Variants in PCDHA1 observed in about 807,000 individuals in gnomAD.
PCDHA1 encodes the protein protocadherin alpha-1.
PCDHA1 carries 42 observed loss-of-function variants against 61.3 expected under a neutral mutation model. That is an observed-to-expected ratio of 0.69 (90% CI 0.54 to 0.89). PCDHA1 has a LOEUF of 0.89. PCDHA1 is among the 40% of genes least tolerant of loss of function. The pLI is 0.00. For synonymous variants in PCDHA1, 610 were observed against 553.8 expected (o/e 1.10, Z -1.43); for missense variants, 1,256 against 1,235.3 (o/e 1.02, Z -0.25).
At chr5:140,856,856 G>A in intron 1 of PCDHA1, 1 of 1,594,396 alleles carries the variant, frequency 6.3e-7, no homozygotes, top group Non-Finnish European at 8.6e-7. Context: ...TGATTCGGAT[G>A]AAGGAATAAA....
chr5:140,990,838 A>C (rs2097419271), intron 3 of PCDHA1, among the ~76,000 whole-genome samples: 1 of 152,222 alleles, frequency 6.6e-6, no homozygotes, highest in Admixed American at 6.5e-5. Flanking sequence ...CCTATTAGCA[A>C]AAATAGAGCC....
At chr5:140,880,877 A>G (rs1399131370) in intron 1 of PCDHA1, among the ~76,000 whole-genome samples, 8 of 152,232 alleles carry the variant, frequency 5.3e-5, no homozygotes, top group Non-Finnish European at 8.8e-5. Context: ...GAGGTAAATA[A>G]AGAAATGTAG....
intron 1 of PCDHA1, chr5:140,808,974 C>A (rs781991192): frequency 1.2e-6 from 2 of 1,613,506 alleles, no homozygotes; most frequent in African/African-American, 1.3e-5. Flanking sequence ...AAGGTGCGCG[C>A]GGTGGATGCT....
At chr5:140,811,968 G>A (rs2126633467) in intron 1 of PCDHA1, 8 of 150,734 alleles carry the variant, frequency 5.3e-5, no homozygotes, top group Non-Finnish European at 7.4e-5. Context: ...CACTCTGATT[G>A]TAGTTTCTTT....
chr5:140,835,560 G>A, intron 1 of PCDHA1: 3 of 1,613,902 alleles, frequency 1.9e-6, no homozygotes, highest in Non-Finnish European at 2.5e-6. Flanking sequence ...GACGCCCCGC[G>A]TTCCCTTCAA....
intron 1 of PCDHA1, chr5:140,851,680 A>G (rs2042128414): frequency 2.2e-6 from 2 of 918,856 alleles, no homozygotes; most frequent in African/African-American, 3.6e-5. Flanking sequence ...AATTTTCTCC[A>G]TTCAGTGATA....
At chr5:140,897,252 A>G (rs1179343621) in intron 1 of PCDHA1, among the ~76,000 whole-genome samples, 3 of 152,018 alleles carry the variant, frequency 2.0e-5, no homozygotes, top group East Asian at 3.9e-4. Flanking sequence ...TTACATATGT[A>G]TACATGTGCC....
At chr5:140,827,980 C>G (rs1769474161) in intron 1 of PCDHA1, 2 of 1,413,840 alleles carry the variant, frequency 1.4e-6, no homozygotes, top group Non-Finnish European at 9.6e-7. Context: ...CATTCCCTGA[C>G]TGTTGAATGA....
chr5:140,967,401 G>A lies in PCDHA1; in HGVS notation c.2395-11548G>A. On this transcript the variant is annotated intron_variant, in intron 1 of 3. Transcript: ENST00000504120. ...AGTAAAGTGCTTGAGCTGGTGCTGC[G>A]TAAGGGCCTAGACCGGGAGCAGGCA... 3.1e-6 allele frequency: 5 copies of A among 1,611,944 alleles called. No individual in the cohort carries two copies. Among genetic ancestry groups the A allele is most frequent in the East Asian group, 2.2e-5 (1 of 44,806 alleles).
intron 1 of PCDHA1, chr5:140,816,144 A>G (rs1293807593): frequency 6.6e-6 from 1 of 152,180 alleles, no homozygotes; most frequent in Non-Finnish European, 1.5e-5. Flanking sequence ...TGAGTAGAGC[A>G]GCCTGCTCGA....
At chr5:140,793,750 T>C (rs1761804041) in intron 1 of PCDHA1, among the ~76,000 whole-genome samples, 1 of 152,198 alleles carries the variant, frequency 6.6e-6, no homozygotes, top group Non-Finnish European at 1.5e-5. Flanking sequence ...CAAAAGAAGA[T>C]ATTCTCAAGT....
chr5:140,974,330 A>G (rs542172748), intron 1 of PCDHA1, among the ~76,000 whole-genome samples: 1 of 152,346 alleles, frequency 6.6e-6, no homozygotes, highest in African/African-American at 2.4e-5. Flanking sequence ...CTGCTGTGCT[A>G]GCAGGCTATG....
In PCDHA1 at chr5:140,803,078, C is replaced by T. The variant is rs781941927; in HGVS notation, c.2394+14394C>T. 4.3e-6 allele frequency: 7 copies of T among 1,613,812 alleles called. No individual in the cohort carries two copies. In the African/African-American group the frequency reaches 6.7e-5, roughly 15 times the overall value. On this transcript the variant is annotated intron_variant, in intron 1 of 3. Coordinates refer to ENST00000504120, the MANE Select transcript of PCDHA1 (RefSeq NM_018900.4). ...GCATCCCGTTTCGCGTGGGGCTGTA[C>T]ACGGGAGAGATCAGCACGACCCGTG...
At chr5:140,968,849 G>A in intron 1 of PCDHA1, 1 of 1,614,206 alleles carries the variant, frequency 6.2e-7, no homozygotes, top group East Asian at 2.2e-5. Context: ...TCAGAGGCAT[G>A]TTAAGAGCCC....
chr5:140,896,092 TG>T (rs2065379013), intron 1 of PCDHA1, among the ~76,000 whole-genome samples: 1 of 152,194 alleles, frequency 6.6e-6, no homozygotes, highest in Non-Finnish European at 1.5e-5. Context: ...ATTACAGGCG[TG>T]AGCCACTGTG....
intron 1 of PCDHA1, chr5:140,968,394 G>T: frequency 6.2e-7 from 1 of 1,613,940 alleles, no homozygotes; most frequent in Non-Finnish European, 8.5e-7. Context: ...GAGAAGTTTC[G>T]GGAGTTCTTT....
intron 1 of PCDHA1, chr5:140,871,159 G>A (rs781816033): frequency 1.2e-6 from 2 of 1,613,450 alleles, no homozygotes; most frequent in African/African-American, 1.3e-5. Flanking sequence ...GGCGGGCGCC[G>A]CGAGCCCAGA....
chr5:140,796,938 G>A (rs1762159476), intron 1 of PCDHA1: 1 of 1,613,838 alleles, frequency 6.2e-7, no homozygotes, highest in South Asian at 1.1e-5. Context: ...GCGAACCAGC[G>A]TTGACAGCCA....
At chr5:140,808,627 G>A (rs1206477664) in intron 1 of PCDHA1, 13 of 1,613,504 alleles carry the variant, frequency 8.1e-6, no homozygotes, top group East Asian at 2.2e-5. Flanking sequence ...TGTCTGCGTG[G>A]GACGCGGACG....
Sources: allele counts gnomAD v4.1 joint callset (sites outside exome capture counted in the v4.1 genomes callset), GRCh38; gene constraint gnomAD v4.1.1; transcripts MANE v1.5; gene names NCBI Gene and HGNC (gene_info 2026-07-23, HGNC 2026-07-21).